The following MYO9A variants were observed in gnomAD, a reference collection of about 807,000 sequenced individuals.
MYO9A encodes the protein unconventional myosin-IXa.
Under a neutral mutation model 293.3 loss-of-function variants are expected in MYO9A, and 103 were observed. The observed-to-expected ratio is 0.35, with a 90% CI of 0.30 to 0.41. The LOEUF (loss-of-function observed/expected upper bound fraction) is 0.41. Among genes scored for constraint, MYO9A ranks in the 10% least tolerant of loss-of-function variants. The pLI is 1.00. For synonymous variants in MYO9A, 1,001 were observed against 1,035.7 expected (o/e 0.97, Z 0.64); for missense variants, 2,685 against 3,033.0 (o/e 0.89, Z 2.69).
Position 71,968,055 on chromosome 15 carries a change from C to G in MYO9A, c.1915G>C (p.Glu639Gln). The G allele has an allele frequency of 1.2e-6, 2 of 1,611,986 alleles. No homozygotes were observed. Among genetic ancestry groups the G allele is most frequent in the Non-Finnish European group, 1.7e-6 (2 of 1,179,062 alleles). Residue 639 changes from glutamate (E) to glutamine (Q), a missense_variant, in exon 13 of 42, where the codon GAA (glutamate) becomes CAA (glutamine). Physicochemically the swap from Glu to Gln is conservative, Grantham distance 29 (BLOSUM62 2). This residue lies in a region of MYO9A where 201 missense variants were observed against 245.2 expected (regional missense o/e 0.82). Coordinates refer to ENST00000356056, the MANE Select transcript of MYO9A (RefSeq NM_006901.4). ...KHQHEDNSYI[E>Q]FPAVMEPAFI... Reference sequence around the variant, plus strand: ...GCAGGCTCCATCACGGCTGGAAATTCGATGTAAGAATTATCTTCATGTTGA... The same window carrying G: ...GCAGGCTCCATCACGGCTGGAAATTGGATGTAAGAATTATCTTCATGTTGA...
chr15:72,000,728 C>A (rs192459877), intron 8 of MYO9A, among the ~76,000 whole-genome samples: 1 of 152,114 alleles, frequency 6.6e-6, no homozygotes, highest in Non-Finnish European at 1.5e-5. Context: ...CAGCCTCGAC[C>A]GCCCAGATTC....
At chr15:71,880,913 A>T (rs566128251) in intron 28 of MYO9A, among the ~76,000 whole-genome samples, 4 of 152,222 alleles carry the variant, frequency 2.6e-5, no homozygotes, top group Non-Finnish European at 5.9e-5. Context: ...CCATACTAGC[A>T]TATTAAATGC....
At chr15:71,930,708 T>C (rs1002418615) in intron 18 of MYO9A, among the ~76,000 whole-genome samples, 1 of 152,186 alleles carries the variant, frequency 6.6e-6, no homozygotes, top group Non-Finnish European at 1.5e-5. Flanking sequence ...AAACCAGTTA[T>C]TGATAGGTAA....
chr15:72,034,972 A>G (rs1023788254), intron 2 of MYO9A, among the ~76,000 whole-genome samples: 7 of 152,234 alleles, frequency 4.6e-5, no homozygotes, highest in African/African-American at 1.7e-4. Context: ...TACTTCACCA[A>G]ATAAGTTATA....
intron 19 of MYO9A, among the ~76,000 whole-genome samples, chr15:71,906,923 C>T (rs371625195): frequency 1.9e-4 from 28 of 150,032 alleles, no homozygotes; most frequent in African/African-American, 2.9e-4. Context: ...CCACCACACC[C>T]GGCTAATTTT....
At chr15:71,976,031 T>C (rs1005169169) in intron 12 of MYO9A, among the ~76,000 whole-genome samples, 1 of 152,238 alleles carries the variant, frequency 6.6e-6, no homozygotes, top group Non-Finnish European at 1.5e-5. Context: ...TTAATTGAAC[T>C]CAAGGAGAAC....
intron 1 of MYO9A, among the ~76,000 whole-genome samples, chr15:72,084,383 C>T (rs934981285): frequency 1.1e-4 from 17 of 152,148 alleles, no homozygotes; most frequent in Non-Finnish European, 2.9e-5. Context: ...CCATGGGTGT[C>T]ACTGCATAGG....
intron 8 of MYO9A, among the ~76,000 whole-genome samples, chr15:72,001,329 C>T (rs1039924823): frequency 6.6e-6 from 1 of 151,870 alleles, no homozygotes; most frequent in African/African-American, 2.4e-5. Context: ...CCAAGGTGGG[C>T]GGATCACTTG....
Position 71,826,931 on chromosome 15 carries a change from C to T in MYO9A, c.7296G>A (p.Ser2432=), listed in dbSNP as rs200173420. 129 of 1,613,860 alleles carry T rather than the reference C, an allele frequency of 8.0e-5. No homozygotes were observed. Among genetic ancestry groups the T allele is most frequent in the Middle Eastern group, 1.6e-4 (1 of 6,082 alleles). The change falls in exon 42 of 42, where the codon TCG becomes TCA. Residue 2432 remains serine (S), a synonymous_variant. Coordinates refer to ENST00000356056, the MANE Select transcript of MYO9A (RefSeq NM_006901.4). ...QQDSLDVVDS[S]VSSLCLSNTA... The stretch of plus-strand genomic sequence containing the variant: ...TGTTAGACAGACATAAAGAGGAGAC[C>T]GAAGAGTCCACGACATCTAAAGAGT...
intron 12 of MYO9A, among the ~76,000 whole-genome samples, chr15:71,968,519 A>G (rs2929531): frequency 0.93 from 141,174 of 152,188 alleles, 65,805 homozygotes; most frequent in Non-Finnish European, 0.97. Context: ...CTCGATTCTC[A>G]TAGGTACTAA....
intron 11 of MYO9A, among the ~76,000 whole-genome samples, chr15:71,982,602 A>C (rs2076303926): frequency 2.0e-5 from 3 of 152,200 alleles, no homozygotes; most frequent in South Asian, 2.1e-4. Flanking sequence ...TTTCAGGCCT[A>C]AGGGCAGGAA....
In MYO9A at chr15:72,026,759, G is replaced by C. The variant is rs534236207; in HGVS notation, c.998+972C>G. Among the ~76,000 whole-genome samples, 37 of 152,104 alleles carry C rather than the reference G, an allele frequency of 2.4e-4. 2 individuals are homozygous for C. The South Asian group carries it at 7.7e-3, about 32-fold the overall frequency. On this transcript the variant is annotated intron_variant, in intron 4 of 41. Transcript: ENST00000356056. ...ATCAAATTCAGGAGTGAATGAAAGC[G>C]GAACATTACTACCAATCTTACATAA...
chr15:71,939,896 G>T (rs920825919), intron 15 of MYO9A, among the ~76,000 whole-genome samples: 1 of 152,048 alleles, frequency 6.6e-6, no homozygotes, highest in Non-Finnish European at 1.5e-5. Flanking sequence ...AAACTGATTC[G>T]ACTAATAAAC....
At chr15:71,861,693 AAAAAAAAAC>A (rs2056137436) in intron 33 of MYO9A, among the ~76,000 whole-genome samples, 1 of 148,722 alleles carries the variant, frequency 6.7e-6, no homozygotes, top group Admixed American at 6.7e-5. Flanking sequence ...AAAAAAAAAA[AAAAAAAAAC>A]AAATAAGTTT....
intron 12 of MYO9A, chr15:71,972,068 GGAA>G (rs2076026519): frequency 6.6e-6 from 1 of 152,202 alleles, no homozygotes; most frequent in Admixed American, 6.6e-5. Flanking sequence ...CAAGAAGCCA[GGAA>G]GAATCTGGAC....
chr15:72,103,450 C>T (rs1407633028), intron 1 of MYO9A, among the ~76,000 whole-genome samples: 1 of 148,066 alleles, frequency 6.8e-6, no homozygotes, highest in Non-Finnish European at 1.5e-5. Flanking sequence ...GCAGAAGCAG[C>T]AGCAGAAGAA....
At chr15:71,928,289 G>A (rs1020000055) in intron 18 of MYO9A, among the ~76,000 whole-genome samples, 4 of 149,878 alleles carry the variant, frequency 2.7e-5, no homozygotes, top group African/African-American at 7.4e-5. Context: ...TTGTTAGCCA[G>A]GATAGTCTCG....
At chr15:71,946,763 A>G (rs1251910321) in intron 15 of MYO9A, among the ~76,000 whole-genome samples, 2 of 152,226 alleles carry the variant, frequency 1.3e-5, no homozygotes, top group African/African-American at 4.8e-5. Flanking sequence ...ACATCGCAGA[A>G]AGTTCTACTG....
At position 72,069,684 on chromosome 15, in the gene MYO9A, T is replaced by C. The variant is rs114365223; in HGVS notation, c.-71-23050A>G. 1.6e-3 allele frequency among the ~76,000 whole-genome samples: 249 copies of C among 152,270 alleles called. 2 individuals carry two copies. The highest frequency in any genetic ancestry group is 5.8e-3 in the African/African-American group (241 of 41,558). The stretch of plus-strand genomic sequence containing the variant: ...TATTACTTAAACCCAACAGTAAATA[T>C]AGGAGCAAAGTAAACAGTGACTCTT... On this transcript the variant is annotated intron_variant, in intron 1 of 41. Coordinates refer to ENST00000356056, the MANE Select transcript of MYO9A (RefSeq NM_006901.4).
Sources: allele counts gnomAD v4.1 joint callset (sites outside exome capture counted in the v4.1 genomes callset), GRCh38; gene constraint gnomAD v4.1.1; regional missense constraint gnomAD v4.1.1; transcripts MANE v1.5; gene names NCBI Gene and HGNC (gene_info 2026-07-23, HGNC 2026-07-21).